TPTE: variants seen among roughly 807,000 people sequenced by gnomAD.
The protein encoded by TPTE is transmembrane phosphatase with tensin homology.
Under a neutral mutation model 84.1 loss-of-function variants are expected in TPTE, and 59 were observed. That is an observed-to-expected ratio of 0.70 (90% CI 0.57 to 0.87). The LOEUF (loss-of-function observed/expected upper bound fraction) is 0.87. Among genes scored for constraint, TPTE ranks in the 40% least tolerant of loss-of-function variants. TPTE has a pLI of 0.00. For missense variants in TPTE, 382 were observed against 659.6 expected (o/e 0.58, Z 4.61); for synonymous variants, 130 against 223.5 (o/e 0.58, Z 3.73).
At chr21:10,602,403 AACAC>A (rs1234815371) in intron 22 of TPTE, among the ~76,000 whole-genome samples, 9 of 152,282 alleles carry the variant, frequency 5.9e-5, no homozygotes, top group Non-Finnish European at 1.0e-4. Flanking sequence ...ATACAAAATA[AACAC>A]ACACACAAAG....
intron 3 of TPTE, among the ~76,000 whole-genome samples, chr21:10,532,055 T>C (rs1288178137): frequency 5.9e-5 from 9 of 152,310 alleles, no homozygotes; most frequent in African/African-American, 2.2e-4. Flanking sequence ...ATTAGTTAAG[T>C]TATTAATGGA....
At chr21:10,550,013 C>T (rs1241622558) in intron 7 of TPTE, among the ~76,000 whole-genome samples, 13 of 152,420 alleles carry the variant, frequency 8.5e-5, no homozygotes, top group East Asian at 1.9e-4. Context: ...ATGATACATT[C>T]GAAGTTCTGA....
intron 7 of TPTE, among the ~76,000 whole-genome samples, chr21:10,545,023 C>T (rs1171243053): frequency 6.6e-6 from 1 of 152,290 alleles, no homozygotes; most frequent in Non-Finnish European, 1.5e-5. Flanking sequence ...GTCCGTTTTT[C>T]AGGGGAACTA....
intron 7 of TPTE, among the ~76,000 whole-genome samples, chr21:10,545,955 A>G (rs2074459750): frequency 1.3e-5 from 2 of 152,072 alleles, no homozygotes; most frequent in East Asian, 1.9e-4. Flanking sequence ...TATATCCTTT[A>G]GCATATATAT....
intron 14 of TPTE, among the ~76,000 whole-genome samples, chr21:10,570,975 C>A (rs12627296): frequency 6.6e-6 from 1 of 152,274 alleles, no homozygotes; most frequent in Non-Finnish European, 1.5e-5. Context: ...AAGGCCCATC[C>A]CATCTGGCAC....
Position 10,577,051 on chromosome 21 carries a change from TTAGA to T in TPTE, c.796-404_796-401del, listed in dbSNP as rs769969798. ...CTTTTTGCATTTGTTTACATAGTGCTTAGATAGACTGTAATATGCAGATCACTCT... is the reference window on the plus strand; with the variant it reads ...CTTTTTGCATTTGTTTACATAGTGCTTAGACTGTAATATGCAGATCACTCT... On this transcript the variant is annotated intron_variant, in intron 14 of 23. Coordinates refer to ENST00000618007, the MANE Select transcript of TPTE (RefSeq NM_199261.4). Among the ~76,000 whole-genome samples, 9 of 152,400 alleles carry T rather than the reference TTAGA, an allele frequency of 5.9e-5. No individual in the cohort carries two copies. In the South Asian group the frequency reaches 6.2e-4, roughly 11 times the overall value.
intron 17 of TPTE, among the ~76,000 whole-genome samples, chr21:10,584,347 T>C (rs1463970934): frequency 3.3e-5 from 5 of 152,240 alleles, no homozygotes; most frequent in Non-Finnish European, 7.3e-5. Flanking sequence ...CTTTTTTTTT[T>C]TTTTTTTTTG....
chr21:10,604,138 T>C (rs532733129), intron 23 of TPTE, among the ~76,000 whole-genome samples: 2 of 152,420 alleles, frequency 1.3e-5, no homozygotes, highest in South Asian at 2.1e-4. Context: ...CATTAAGTAA[T>C]AGTCTATTTA....
At chr21:10,524,296 C>G (rs1274043630) in intron 1 of TPTE, among the ~76,000 whole-genome samples, 1 of 152,308 alleles carries the variant, frequency 6.6e-6, no homozygotes, top group Non-Finnish European at 1.5e-5. Flanking sequence ...GGCCCATAGA[C>G]AGGAAAGTTT....
At chr21:10,567,314 G>GAA (rs1196351342) in intron 10 of TPTE, among the ~76,000 whole-genome samples, 1 of 152,308 alleles carries the variant, frequency 6.6e-6, no homozygotes, top group African/African-American at 2.4e-5. Flanking sequence ...TTAAATGACT[G>GAA]AAAGAGTGTA....
chr21:10,592,411 G>T lies in TPTE; in HGVS notation c.1170+38G>T, dbSNP rs765932559. The T allele has an allele frequency of 8.1e-6, 13 of 1,606,472 alleles. No homozygotes were observed. In the South Asian group the frequency reaches 1.2e-4, roughly 15 times the overall value. On this transcript the variant is annotated intron_variant, in intron 19 of 23. Coordinates refer to ENST00000618007, the MANE Select transcript of TPTE (RefSeq NM_199261.4). The stretch of plus-strand genomic sequence containing the variant: ...TTTAAAAATGGGAGTTTTTTTAGGG[G>T]TGTGGGTTCAGATTGCCACCTGTTA...
chr21:10,549,635 CACAG>C (rs1363181429), intron 7 of TPTE, among the ~76,000 whole-genome samples: 42 of 152,254 alleles, frequency 2.8e-4, no homozygotes, highest in African/African-American at 3.6e-4. Flanking sequence ...TTTGAAATAA[CACAG>C]ACAGGCAAAA....
At chr21:10,598,292 T>C (rs376662337) in intron 21 of TPTE, among the ~76,000 whole-genome samples, 198 bp downstream of exon 21, 735 of 150,046 alleles carry the variant, frequency 4.9e-3, no homozygotes, top group African/African-American at 0.017. Flanking sequence ...AACAGTTTTT[T>C]CAGGGTGCTT....
At chr21:10,597,531 C>T (rs1300452688) in intron 20 of TPTE, among the ~76,000 whole-genome samples, 3 of 152,216 alleles carry the variant, frequency 2.0e-5, no homozygotes, top group Admixed American at 2.0e-4. Flanking sequence ...TCTCCTGTCT[C>T]AGCCTCCTAA....
chr21:10,597,496 C>CGCA (rs950194295), intron 20 of TPTE, among the ~76,000 whole-genome samples: 4 of 152,008 alleles, frequency 2.6e-5, no homozygotes, highest in African/African-American at 9.7e-5. Context: ...CTCACTGCAG[C>CGCA]CTCTGCCTGC....
intron 7 of TPTE, among the ~76,000 whole-genome samples, chr21:10,550,070 C>T (rs1600885432): frequency 6.6e-6 from 1 of 152,424 alleles, no homozygotes; most frequent in South Asian, 2.1e-4. Flanking sequence ...GCACAGCTAT[C>T]CTTTACAAAT....
chr21:10,540,787 A>G (rs1189676139), intron 4 of TPTE: 1 of 527,932 alleles, frequency 1.9e-6, no homozygotes, highest in Non-Finnish European at 3.8e-6. Flanking sequence ...AGGAACTCAA[A>G]TGGGATTATA....
chr21:10,538,679 A>G lies in TPTE; in HGVS notation c.-43-2A>G, dbSNP rs2074311683. On this transcript the variant is annotated splice_acceptor_variant, in intron 3 of 23. Transcript: ENST00000618007. LOFTEE classifies it low-confidence loss of function (5UTR_SPLICE). ...TGACTATATTCTTTTGACATCCTCTAGTCCACCCACAAATGAATTATCAGG... is the reference window on the plus strand; with the variant it reads ...TGACTATATTCTTTTGACATCCTCTGGTCCACCCACAAATGAATTATCAGG... 2.5e-6 allele frequency: 4 copies of G among 1,614,062 alleles called. No individual in the cohort carries two copies. The highest frequency in any genetic ancestry group is 2.2e-5 in the East Asian group (1 of 44,894).
chr21:10,580,268 A>G (rs868715716), intron 17 of TPTE, among the ~76,000 whole-genome samples: 694 of 151,052 alleles, frequency 4.6e-3, no homozygotes, highest in African/African-American at 0.016. Context: ...CTATTATCGA[A>G]TGTATGCTTT....
Sources: gnomAD v4.1 joint callset for allele counts (sites outside exome capture counted in the v4.1 genomes callset) on GRCh38, gnomAD v4.1.1 for gene constraint, MANE v1.5 for transcripts, NCBI Gene and HGNC (gene_info 2026-07-23, HGNC 2026-07-21) for gene names.